Variants in DACH1 observed in about 807,000 individuals in gnomAD.
The protein encoded by DACH1 is dachshund homolog 1.
In DACH1, 12 loss-of-function variants were observed where a neutral mutation model predicts 54.2. The observed-to-expected ratio is 0.22, with a 90% confidence interval of 0.14 to 0.36. The LOEUF (loss-of-function observed/expected upper bound fraction) is 0.36, where lower values mean the gene tolerates loss of function less well. DACH1 is among the 10% of genes least tolerant of loss of function. The probability of loss-of-function intolerance (pLI) is 1.00; values close to 1 mark genes in which losing one functional copy is unlikely to be tolerated. For missense variants in DACH1, 805 were observed against 929.8 expected (o/e 0.87, Z 1.75); for synonymous variants, 386 against 366.2 (o/e 1.05, Z -0.62).
intron 1 of DACH1, among the ~76,000 whole-genome samples, chr13:71,701,867 CAGGGGAGCCTAAACTTCT>C (rs1319968615): frequency 6.6e-6 from 1 of 152,066 alleles, no homozygotes; most frequent in Non-Finnish European, 1.5e-5. Flanking sequence ...TGCTTTTCAA[CAGGGGAGCCTAAACTTCT>C]AGTCCAGTGC....
At chr13:71,767,905 A>T (rs1428143900) in intron 1 of DACH1, among the ~76,000 whole-genome samples, 1 of 151,976 alleles carries the variant, frequency 6.6e-6, no homozygotes, top group African/African-American at 2.4e-5. Flanking sequence ...ATATAATTAA[A>T]AATATTATAA....
chr13:71,813,439 TC>T (rs1243556309), intron 1 of DACH1, among the ~76,000 whole-genome samples: 3 of 152,280 alleles, frequency 2.0e-5, no homozygotes, highest in Non-Finnish European at 4.4e-5. Context: ...AAGCTGCAGT[TC>T]CCATAACTCC....
intron 6 of DACH1, among the ~76,000 whole-genome samples, chr13:71,497,501 T>C (rs2138223517): frequency 6.6e-6 from 1 of 152,064 alleles, no homozygotes; most frequent in African/African-American, 2.4e-5. Flanking sequence ...CGGGCTAATT[T>C]TGTATTTGTT....
At chr13:71,711,454 T>C (rs967733117) in intron 1 of DACH1, among the ~76,000 whole-genome samples, 1 of 152,144 alleles carries the variant, frequency 6.6e-6, no homozygotes, top group Non-Finnish European at 1.5e-5. Context: ...TCTGAATTCA[T>C]AAGTCATAAA....
At chr13:71,584,598 T>G (rs1282238472) in intron 3 of DACH1, among the ~76,000 whole-genome samples, 2 of 152,146 alleles carry the variant, frequency 1.3e-5, no homozygotes, top group Non-Finnish European at 2.9e-5. Flanking sequence ...TTTTGAACTG[T>G]GTCAAATCTC....
chr13:71,501,477 T>C (rs148445740), intron 6 of DACH1, among the ~76,000 whole-genome samples: 183 of 152,190 alleles, frequency 1.2e-3, no homozygotes, highest in African/African-American at 4.1e-3. Flanking sequence ...AGAAAAACAT[T>C]AAAAATATGT....
intron 1 of DACH1, among the ~76,000 whole-genome samples, chr13:71,792,934 T>C (rs1886894076): frequency 6.6e-6 from 1 of 152,146 alleles, no homozygotes; most frequent in African/African-American, 2.4e-5. Flanking sequence ...TGGACTAATA[T>C]GAGAGCTGCA....
chr13:71,491,386 A>G (rs935837604), intron 6 of DACH1, among the ~76,000 whole-genome samples: 1 of 152,148 alleles, frequency 6.6e-6, no homozygotes, highest in Admixed American at 6.6e-5. Context: ...ATATATGTAC[A>G]TGTGTGCGTG....
At chr13:71,608,712 A>C (rs1055163437) in intron 3 of DACH1, among the ~76,000 whole-genome samples, 4 of 152,144 alleles carry the variant, frequency 2.6e-5, no homozygotes, top group African/African-American at 9.6e-5. Context: ...ACTGAAGTAT[A>C]ATGATTCTTC....
chr13:71,518,961 T>C (rs1210859038), intron 6 of DACH1, among the ~76,000 whole-genome samples: 2 of 151,912 alleles, frequency 1.3e-5, no homozygotes, highest in Non-Finnish European at 2.9e-5. Context: ...TCAAGATCCG[T>C]AAAGTTTTAC....
intron 1 of DACH1, among the ~76,000 whole-genome samples, chr13:71,756,222 T>G (rs182812317): frequency 1.3e-5 from 2 of 151,990 alleles, no homozygotes; most frequent in Non-Finnish European, 2.9e-5. Context: ...TTTTTGTATT[T>G]TTAGTAGAGA....
intron 6 of DACH1, among the ~76,000 whole-genome samples, chr13:71,494,988 C>T (rs1317828272): frequency 6.6e-6 from 1 of 151,920 alleles, no homozygotes; most frequent in Non-Finnish European, 1.5e-5. Context: ...AAAATGTTTT[C>T]TTTCCTGTTA....
chr13:71,623,834 A>G (rs1245749422), intron 3 of DACH1, among the ~76,000 whole-genome samples: 2 of 151,830 alleles, frequency 1.3e-5, no homozygotes, highest in South Asian at 4.1e-4. Context: ...CTGCTCCCCT[A>G]CCTGAGTTTT....
At chr13:71,476,439 G>C (rs933125173) in intron 8 of DACH1, among the ~76,000 whole-genome samples, 1 of 152,130 alleles carries the variant, frequency 6.6e-6, no homozygotes, top group Admixed American at 6.5e-5. Flanking sequence ...GTATAGAACA[G>C]AAATGTTTTT....
intron 10 of DACH1, among the ~76,000 whole-genome samples, chr13:71,451,715 A>G (rs745700410): frequency 7.2e-5 from 11 of 152,214 alleles, no homozygotes; most frequent in Non-Finnish European, 1.6e-4. Context: ...GAGAAATGAC[A>G]ACTAAATATA....
At chr13:71,747,076 A>G (rs1884630302) in intron 1 of DACH1, among the ~76,000 whole-genome samples, 1 of 152,030 alleles carries the variant, frequency 6.6e-6, no homozygotes, top group Non-Finnish European at 1.5e-5. Context: ...TTATGTATTT[A>G]AATATTGTGT....
intron 1 of DACH1, among the ~76,000 whole-genome samples, chr13:71,717,786 T>C (rs1566454862): frequency 6.6e-6 from 1 of 152,078 alleles, no homozygotes; most frequent in Non-Finnish European, 1.5e-5. Flanking sequence ...ATTTGAGACT[T>C]GCCATATTCA....
chr13:71,612,313 G>A (rs999929649), intron 3 of DACH1, among the ~76,000 whole-genome samples: 2 of 151,924 alleles, frequency 1.3e-5, no homozygotes, highest in African/African-American at 4.8e-5. Flanking sequence ...ATACAATAAT[G>A]TAATTATATA....
chr13:71,458,838 C>T (rs1489396804), intron 10 of DACH1, among the ~76,000 whole-genome samples: 1 of 151,810 alleles, frequency 6.6e-6, no homozygotes, highest in Non-Finnish European at 1.5e-5. Context: ...TTGATATCTA[C>T]AGCTATATTA....
Sources: allele counts gnomAD v4.1 joint callset (sites outside exome capture counted in the v4.1 genomes callset), GRCh38; gene constraint gnomAD v4.1.1; transcripts MANE v1.5; gene names NCBI Gene and HGNC (gene_info 2026-07-23, HGNC 2026-07-21).